COL8A1: variants seen among roughly 807,000 people sequenced by gnomAD.
The protein encoded by COL8A1 is collagen alpha-1(VIII) chain.
COL8A1 carries 21 observed loss-of-function variants against 42.7 expected under a neutral mutation model. That is an observed-to-expected ratio of 0.49 (90% CI 0.35 to 0.71). COL8A1 has a LOEUF of 0.71. COL8A1 is among the 30% of genes least tolerant of loss of function. The probability of loss-of-function intolerance (pLI) is 0.01; values close to 1 mark genes in which losing one functional copy is unlikely to be tolerated. For synonymous variants in COL8A1, 367 were observed against 369.1 expected, an observed-to-expected ratio of 0.99 and a Z score of 0.06; for missense variants, 788 against 962.4, an observed-to-expected ratio of 0.82 and a Z score of 2.40.
intron 2 of COL8A1, among the ~76,000 whole-genome samples, chr3:99,784,385 A>G (rs1012734375): frequency 6.6e-6 from 1 of 152,222 alleles, no homozygotes; most frequent in African/African-American, 2.4e-5. Context: ...AAAGTATTTG[A>G]AGTATAGTTA....
Position 99,756,718 on chromosome 3 carries a change from G to A in COL8A1, c.-4+11697G>A, listed in dbSNP as rs9835048. Among the ~76,000 whole-genome samples the A allele has an allele frequency of 4.1e-3, 629 of 152,312 alleles. 4 individuals are homozygous for A. Among genetic ancestry groups the A allele is most frequent in the African/African-American group, 0.014 (589 of 41,574 alleles). ...AATTTCCAGGCAGCTACGCTGTGCT[G>A]AACTTGGACTCAAAGATTTGGGGAC... On this transcript the variant is annotated intron_variant, in intron 2 of 3. Transcript: ENST00000652472.
intron 1 of COL8A1, among the ~76,000 whole-genome samples, chr3:99,681,307 C>T (rs958558808): frequency 6.6e-6 from 1 of 152,100 alleles, no homozygotes; most frequent in Non-Finnish European, 1.5e-5. Context: ...AAAAATCAAA[C>T]AACCCCATCA....
chr3:99,763,213 T>C (rs1285328599), intron 2 of COL8A1, among the ~76,000 whole-genome samples: 1 of 152,190 alleles, frequency 6.6e-6, no homozygotes, highest in Non-Finnish European at 1.5e-5. Context: ...GGAGACATCA[T>C]AACAATGAAT....
intron 1 of COL8A1, chr3:99,703,761 T>G (rs565387817): frequency 2.4e-4 from 36 of 152,360 alleles, no homozygotes; most frequent in African/African-American, 8.4e-4. Flanking sequence ...TTAAGAGGCA[T>G]GTGGAAAGAG....
chr3:99,697,179 G>C (rs908878518), intron 1 of COL8A1, among the ~76,000 whole-genome samples: 10 of 151,222 alleles, frequency 6.6e-5, no homozygotes, highest in African/African-American at 2.4e-4. Context: ...GTAGAGACGG[G>C]GTTTCACCGT....
intron 1 of COL8A1, among the ~76,000 whole-genome samples, chr3:99,681,942 C>T (rs991526502): frequency 6.6e-6 from 1 of 152,182 alleles, no homozygotes; most frequent in Non-Finnish European, 1.5e-5. Context: ...GATATGCAAC[C>T]AGGGTGTTGG....
chr3:99,675,763 A>AGTTC (rs1938674221), intron 1 of COL8A1: 1 of 152,616 alleles, frequency 6.6e-6, no homozygotes, highest in East Asian at 1.9e-4. Flanking sequence ...GGTGTGCCTC[A>AGTTC]GTTCACCCAA....
chr3:99,696,366 C>G (rs1285426250), intron 1 of COL8A1, among the ~76,000 whole-genome samples: 2 of 152,194 alleles, frequency 1.3e-5, no homozygotes, highest in Non-Finnish European at 2.9e-5. Context: ...TAGAGCTTCT[C>G]CAGGTCCTAT....
At chr3:99,769,769 A>G (rs1215476558) in intron 2 of COL8A1, among the ~76,000 whole-genome samples, 3 of 152,094 alleles carry the variant, frequency 2.0e-5, no homozygotes, top group Non-Finnish European at 2.9e-5. Flanking sequence ...AAATACAAAA[A>G]TTAGCTGGGT....
At chr3:99,674,519 G>T (rs1482713387) in intron 1 of COL8A1, among the ~76,000 whole-genome samples, 2 of 151,394 alleles carry the variant, frequency 1.3e-5, no homozygotes, top group African/African-American at 4.9e-5. Context: ...CACATGAAAA[G>T]TCTTCCAGCC....
intron 1 of COL8A1, among the ~76,000 whole-genome samples, chr3:99,676,502 CA>C (rs1168596562): frequency 6.6e-6 from 1 of 152,118 alleles, no homozygotes; most frequent in East Asian, 1.9e-4. Context: ...AAAATAAATT[CA>C]ATAGATTCAG....
At position 99,799,127 on chromosome 3, in the gene COL8A1, T is replaced by C. The variant is rs185676577; in HGVS notation, c.*2991T>C. On this transcript the variant is annotated 3_prime_UTR_variant, in exon 4 of 4. Coordinates refer to ENST00000652472, the MANE Select transcript of COL8A1 (RefSeq NM_020351.4). The stretch of plus-strand genomic sequence containing the variant: ...GACTGGTAACTTGTTTGAGTTCCCA[T>C]GACAGATTTGAGACTTGTCAATAGC... The C allele has an allele frequency of 1.8e-4, 28 of 152,380 alleles. No homozygotes were observed. The highest frequency in any genetic ancestry group is 5.0e-4 in the African/African-American group (21 of 41,596). The allele number at this position is 152,380 out of a possible 1,614,324, so 9.4% of individuals were successfully genotyped here.
intron 1 of COL8A1, among the ~76,000 whole-genome samples, chr3:99,708,247 G>A (rs1939738249): frequency 6.6e-6 from 1 of 152,132 alleles, no homozygotes; most frequent in Non-Finnish European, 1.5e-5. Flanking sequence ...TGGTGAGCAG[G>A]CATCCAAGGG....
intron 1 of COL8A1, among the ~76,000 whole-genome samples, chr3:99,727,969 T>C (rs1375795903): frequency 6.7e-6 from 1 of 149,890 alleles, no homozygotes; most frequent in Admixed American, 6.6e-5. Context: ...TCTCAATAAA[T>C]TAGGTATTGA....
intron 1 of COL8A1, among the ~76,000 whole-genome samples, chr3:99,642,230 A>G (rs139479449): frequency 7.5e-4 from 114 of 152,310 alleles, no homozygotes; most frequent in African/African-American, 2.6e-3. Flanking sequence ...AGATCCCTCT[A>G]TCACTTTAGT....
At chr3:99,655,868 G>A (rs1340943799) in intron 1 of COL8A1, among the ~76,000 whole-genome samples, 3 of 152,198 alleles carry the variant, frequency 2.0e-5, no homozygotes, top group Admixed American at 6.5e-5. Flanking sequence ...AAAAGGAGAG[G>A]AGCTGCAACA....
At chr3:99,720,979 T>C (rs1227362494) in intron 1 of COL8A1, among the ~76,000 whole-genome samples, 5 of 151,278 alleles carry the variant, frequency 3.3e-5, no homozygotes, top group African/African-American at 1.2e-4. Context: ...GTGTGGCGAG[T>C]AGAAACGGAG....
chr3:99,663,458 A>G (rs1938268838), intron 1 of COL8A1, among the ~76,000 whole-genome samples: 1 of 152,176 alleles, frequency 6.6e-6, no homozygotes, highest in Admixed American at 6.5e-5. Context: ...AATTCAAGCA[A>G]ATACCAGTTG....
Position 99,794,428 on chromosome 3 carries a change from G to C in COL8A1, c.527G>C (p.Gly176Ala). ...AAGCCAGGAGCCATGGGCATGCCTG[G>C]GGCAAAAGGAGAAATTGGACAGAAA... ...PGKPGAMGMP[G>A]AKGEIGQKGE... Residue 176 changes from glycine to alanine, a missense_variant, in exon 4 of 4, where the codon GGG (glycine) becomes GCG (alanine). Around this residue, in one of 4 missense-constraint regions of COL8A1, gnomAD observed 421 missense variants for 553.1 expected, o/e 0.76. Coordinates refer to ENST00000652472, the MANE Select transcript of COL8A1 (RefSeq NM_020351.4). This position sits in a 1 kb window ranked among gnomAD's most constrained non-coding sequence, Gnocchi z 4.3. 6.2e-7 allele frequency: 1 copy of C among 1,614,040 alleles called. No individual in the cohort carries two copies. Among genetic ancestry groups the C allele is most frequent in the Non-Finnish European group, 8.5e-7 (1 of 1,179,950 alleles).
Sources: gnomAD v4.1 joint callset for allele counts (sites outside exome capture counted in the v4.1 genomes callset) on GRCh38, gnomAD v4.1.1 for gene constraint, gnomAD v4.1.1 regional missense constraint, Gnocchi (gnomAD v3.1) non-coding constraint, MANE v1.5 for transcripts, NCBI Gene and HGNC (gene_info 2026-07-23, HGNC 2026-07-21) for gene names.